The following CCDC40 variants were observed in gnomAD, a reference collection of about 807,000 sequenced individuals.
CCDC40 encodes coiled-coil domain 40 molecular ruler complex subunit.
CCDC40 carries 104 observed loss-of-function variants against 124.5 expected under a neutral mutation model. The observed-to-expected ratio is 0.84, with a 90% CI of 0.71 to 0.98. CCDC40 has a LOEUF of 0.98. CCDC40 is among the 50% of genes least tolerant of loss of function. The pLI is 0.00. For synonymous variants in CCDC40, 580 were observed against 602.9 expected (o/e 0.96, Z 0.56); for missense variants, 1,463 against 1,503.9 (o/e 0.97, Z 0.45).
chr17:80,080,396 A>T (rs2143730520), intron 10 of CCDC40, among the ~76,000 whole-genome samples: 1 of 152,306 alleles, frequency 6.6e-6, no homozygotes, highest in South Asian at 2.1e-4. Flanking sequence ...TTTGAATCTG[A>T]TTATTTCATT....
chr17:80,085,974 T>C lies in CCDC40; in HGVS notation c.2236-29T>C, dbSNP rs1458728688. 3 of 1,604,816 alleles carry C rather than the reference T, an allele frequency of 1.9e-6. No homozygotes were observed. In the Admixed American group the frequency reaches 5.0e-5, roughly 27 times the overall value. On this transcript the variant is annotated intron_variant, in intron 13 of 19. Transcript: ENST00000397545. ...CGTGAGTCACTGCGCCCAGCCCTAA[T>C]TTTGCTTTTTGATGAATATCCGGTC...
chr17:80,046,475 G>C (rs760031598), intron 3 of CCDC40, among the ~76,000 whole-genome samples: 1 of 152,056 alleles, frequency 6.6e-6, no homozygotes, highest in Admixed American at 6.6e-5. Context: ...GGGGGTTGCA[G>C]TGAGCTATGA....
intron 3 of CCDC40, among the ~76,000 whole-genome samples, chr17:80,042,384 T>G (rs1276221032): frequency 6.6e-6 from 1 of 152,168 alleles, no homozygotes; most frequent in African/African-American, 2.4e-5. Context: ...CTTCCCAAAG[T>G]GTTGGGATTA....
At chr17:80,059,038 G>T (rs528903978) in intron 9 of CCDC40, 58 bp downstream of exon 9, 10 of 1,604,882 alleles carry the variant, frequency 6.2e-6, no homozygotes, top group South Asian at 1.1e-5. Context: ...TCCACGCACA[G>T]GGTGCTGGTG....
intron 10 of CCDC40, 82 bp downstream of exon 10, chr17:80,065,688 G>T: frequency 6.4e-7 from 1 of 1,569,550 alleles, no homozygotes. Flanking sequence ...CCTCTCTCTG[G>T]GTCCACCGGA....
intron 9 of CCDC40, among the ~76,000 whole-genome samples, chr17:80,059,916 G>A (rs1265234240): frequency 6.6e-6 from 1 of 152,134 alleles, no homozygotes; most frequent in Non-Finnish European, 1.5e-5. Context: ...GGCTCCCAGG[G>A]TAAAGGGAGG....
At chr17:80,097,134 C>T (rs2038824256) in intron 18 of CCDC40, 111 bp from the exon 19 acceptor site, 2 of 1,197,692 alleles carry the variant, frequency 1.7e-6, no homozygotes, top group African/African-American at 1.5e-5. Flanking sequence ...TTGGGAGCCT[C>T]CCTGGATGGA....
chr17:80,066,376 G>T lies in CCDC40; in HGVS notation c.1562+770G>T. The stretch of plus-strand genomic sequence containing the variant: ...CCAGGAGATGCTTTTCCTTTTGGGT[G>T]CTGTGATTAAAGAAACAAAATGAAA... On this transcript the variant is annotated intron_variant, in intron 10 of 19. Coordinates refer to ENST00000397545, the MANE Select transcript of CCDC40 (RefSeq NM_017950.4). The surrounding 1 kb of genome is among the most constrained non-coding windows in gnomAD (Gnocchi z 4.4). 1 of 559,722 alleles carries T rather than the reference G, an allele frequency of 1.8e-6. No individual in the cohort carries two copies. The highest frequency in any genetic ancestry group is 3.2e-6 in the Non-Finnish European group (1 of 314,414). 34.7% of individuals were successfully genotyped at this position (559,722 alleles called of 1,614,324 possible).
At chr17:80,037,683 T>TTAAAAA (rs1254449744) in intron 1 of CCDC40, among the ~76,000 whole-genome samples, 1 of 44,392 alleles carries the variant, frequency 2.3e-5, no homozygotes, top group African/African-American at 6.1e-5. Context: ...TTTAATTTTT[T>TTAAAAA]AAAAAAGATA....
At chr17:80,047,489 A>C in intron 4 of CCDC40, 87 bp downstream of exon 4, 1 of 1,402,908 alleles carries the variant, frequency 7.1e-7, no homozygotes, top group Non-Finnish European at 9.8e-7. Flanking sequence ...CTCGTTTGTC[A>C]TCCGTTACCT....
intron 7 of CCDC40, among the ~76,000 whole-genome samples, chr17:80,054,924 G>A (rs2037697741): frequency 2.0e-5 from 3 of 151,584 alleles, no homozygotes; most frequent in African/African-American, 4.9e-5. Context: ...GCAGTGAGCC[G>A]AGACTGTGCC....
chr17:80,099,922 C>T lies in CCDC40; in HGVS notation c.*147C>T. The T allele has an allele frequency of 1.2e-6, 1 of 859,554 alleles. No individual in the cohort carries two copies. Among genetic ancestry groups the T allele is most frequent in the Non-Finnish European group, 1.8e-6 (1 of 558,706 alleles). The allele number at this position is 859,554 out of a possible 1,614,324, so 53.2% of individuals were successfully genotyped here. A position where few individuals can be genotyped will look rare whatever the true frequency, so the allele number is the denominator to read the frequency against. ...TTAAGAGAAATAAGCCAGCCCCACC[C>T]ATAGGAATCTTTTTAGCCACTCAGC... On this transcript the variant is annotated 3_prime_UTR_variant, in exon 20 of 20. Coordinates refer to ENST00000397545, the MANE Select transcript of CCDC40 (RefSeq NM_017950.4).
intron 3 of CCDC40, among the ~76,000 whole-genome samples, chr17:80,043,023 G>T (rs957381339): frequency 6.6e-6 from 1 of 152,116 alleles, no homozygotes; most frequent in African/African-American, 2.4e-5. Flanking sequence ...TAAACACAGG[G>T]AGCCACTTTG....
In CCDC40 at chr17:80,065,548, A is replaced by G; in HGVS notation, c.1504A>G (p.Ser502Gly). Reference sequence around the variant, plus strand: ...GCGCATCATGCAGCAATGGGCCAGCAGCCTGGTGGGCATGAAGCACCGCGA... The same window carrying G: ...GCGCATCATGCAGCAATGGGCCAGCGGCCTGGTGGGCATGAAGCACCGCGA... ...KRRIMQQWAS[S>G]LVGMKHRDEA... is the part of the protein sequence containing the mutation. Residue 502 changes from serine to glycine, a missense_variant, in exon 10 of 20, where the codon AGC becomes GGC. Physicochemically the swap from Ser to Gly is moderately conservative, Grantham distance 56. Coordinates refer to ENST00000397545, the MANE Select transcript of CCDC40 (RefSeq NM_017950.4). The G allele has an allele frequency of 6.2e-7, 1 of 1,613,104 alleles. No individual in the cohort carries two copies. Among genetic ancestry groups the G allele is most frequent in the Non-Finnish European group, 8.5e-7 (1 of 1,179,950 alleles).
intron 19 of CCDC40, chr17:80,098,028 T>C (rs2038843689): frequency 6.2e-6 from 1 of 160,670 alleles, no homozygotes; most frequent in South Asian, 1.7e-4. Context: ...TCAGGGTCAT[T>C]GGGGTGAACT....
At chr17:80,072,171 C>G (rs116091903) in intron 10 of CCDC40, among the ~76,000 whole-genome samples, 3 of 152,170 alleles carry the variant, frequency 2.0e-5, no homozygotes, top group South Asian at 4.2e-4. Context: ...TTTCAACTTA[C>G]GATGGGTTTG....
rs757748232 is a variant in CCDC40, at chr17:80,037,690, G to GAT, written c.30-429_30-428dup. 8.2e-3 allele frequency among the ~76,000 whole-genome samples: 754 copies of GAT among 92,044 alleles called. 43 individuals carry two copies. The highest frequency in any genetic ancestry group is 0.064 in the South Asian group (183 of 2,854). 60.4% of individuals were successfully genotyped at this position (92,044 alleles called of 152,430 possible). A position where few individuals can be genotyped will look rare whatever the true frequency, so the allele number is the denominator to read the frequency against. ...CTTGAATCTTTAATTTTTTAAAAAA[G>GAT]ATATACATATATATATATATATATA... On this transcript the variant is annotated intron_variant, in intron 1 of 19. Coordinates refer to ENST00000397545, the MANE Select transcript of CCDC40 (RefSeq NM_017950.4).
At chr17:80,094,492 C>T (rs971643737) in intron 17 of CCDC40, among the ~76,000 whole-genome samples, 1 of 151,834 alleles carries the variant, frequency 6.6e-6, no homozygotes, top group African/African-American at 2.4e-5. Context: ...GTGGGCGGAT[C>T]GAGACCATCT....
intron 9 of CCDC40, among the ~76,000 whole-genome samples, chr17:80,063,738 G>C (rs1009171600): frequency 6.6e-6 from 1 of 152,186 alleles, no homozygotes; most frequent in South Asian, 2.1e-4. Context: ...GACCTCAGGT[G>C]ATCCGTCCGC....
Sources: gnomAD v4.1 joint callset for allele counts (sites outside exome capture counted in the v4.1 genomes callset) on GRCh38, gnomAD v4.1.1 for gene constraint, Gnocchi (gnomAD v3.1) non-coding constraint, MANE v1.5 for transcripts, NCBI Gene and HGNC (gene_info 2026-07-23, HGNC 2026-07-21) for gene names.